The following GRIP1 variants were observed in gnomAD, a reference collection of about 807,000 sequenced individuals.
The protein encoded by GRIP1 is glutamate receptor interacting protein 1.
A neutral mutation model predicts 129.9 loss-of-function variants in GRIP1; 45 were observed. The observed-to-expected ratio is 0.35, with a 90% confidence interval of 0.27 to 0.44. The LOEUF is 0.44. Ranked by LOEUF, GRIP1 falls within the 20% of genes least tolerant of loss-of-function variation. GRIP1 has a pLI of 1.00. For missense variants in GRIP1, 1,196 were observed against 1,396.8 expected (o/e 0.86, Z 2.29); for synonymous variants, 530 against 520.8 (o/e 1.02, Z -0.24).
At chr12:66,750,288 A>C (rs574555468) in intron 1 of GRIP1, among the ~76,000 whole-genome samples, 2 of 152,302 alleles carry the variant, frequency 1.3e-5, no homozygotes, top group African/African-American at 4.8e-5. Context: ...TGATCCTTTC[A>C]TCATCCCACA....
chr12:66,384,756 A>G (rs2056277438), intron 19 of GRIP1, among the ~76,000 whole-genome samples: 1 of 152,222 alleles, frequency 6.6e-6, no homozygotes, highest in African/African-American at 2.4e-5. Context: ...AGAGATGCTA[A>G]GTGAGTAGAG....
chr12:66,627,612 C>T (rs2030239908), intron 1 of GRIP1, among the ~76,000 whole-genome samples: 1 of 152,148 alleles, frequency 6.6e-6, no homozygotes, highest in Non-Finnish European at 1.5e-5. Context: ...ATACGTCTTT[C>T]CCCAAGTCAG....
At chr12:67,038,487 A>C (rs2043131007) in intron 1 of GRIP1, among the ~76,000 whole-genome samples, 1 of 152,166 alleles carries the variant, frequency 6.6e-6, no homozygotes, top group South Asian at 2.1e-4. Context: ...CTTCCACAGG[A>C]GTTTTAAAAC....
At chr12:66,660,593 T>C (rs1033118952) in intron 1 of GRIP1, among the ~76,000 whole-genome samples, 6 of 152,166 alleles carry the variant, frequency 3.9e-5, no homozygotes, top group African/African-American at 1.4e-4. Context: ...ATAATAATTG[T>C]ACAAAATTTT....
chr12:66,874,221 G>A (rs927047551), intron 1 of GRIP1, among the ~76,000 whole-genome samples: 1 of 152,042 alleles, frequency 6.6e-6, no homozygotes, highest in African/African-American at 2.4e-5. Context: ...AATGGAATGT[G>A]TATTTGTTTT....
chr12:66,724,945 C>T (rs2036205262), intron 1 of GRIP1, among the ~76,000 whole-genome samples: 1 of 152,108 alleles, frequency 6.6e-6, no homozygotes, highest in Admixed American at 6.5e-5. Flanking sequence ...AATGAAAAGC[C>T]CATCCATTGA....
chr12:66,754,958 T>C (rs939137397), intron 1 of GRIP1, among the ~76,000 whole-genome samples: 1 of 152,146 alleles, frequency 6.6e-6, no homozygotes, highest in Non-Finnish European at 1.5e-5. Context: ...TATGCCACCC[T>C]TTAGGAAGAA....
intron 1 of GRIP1, among the ~76,000 whole-genome samples, chr12:66,632,326 G>C (rs2030889708): frequency 6.6e-6 from 1 of 152,200 alleles, no homozygotes; most frequent in African/African-American, 2.4e-5. Context: ...TTTATCTAAA[G>C]AGAAGGCAAA....
At chr12:66,391,009 CTCCTT>C (rs1333313124) in intron 19 of GRIP1, among the ~76,000 whole-genome samples, 1 of 152,204 alleles carries the variant, frequency 6.6e-6, no homozygotes, top group Non-Finnish European at 1.5e-5. Flanking sequence ...GAAATATCAT[CTCCTT>C]TCATTTTTTT....
chr12:66,397,618 T>C (rs2056845395), intron 16 of GRIP1, among the ~76,000 whole-genome samples: 1 of 152,170 alleles, frequency 6.6e-6, no homozygotes. Context: ...GAACATTGAG[T>C]GAATATTTTA....
At chr12:66,929,892 T>A (rs2041359819) in intron 1 of GRIP1, among the ~76,000 whole-genome samples, 1 of 152,214 alleles carries the variant, frequency 6.6e-6, no homozygotes, top group South Asian at 2.1e-4. Context: ...GACTATTTTA[T>A]GAGTATCCTA....
Position 66,824,806 on chromosome 12 carries a change from A to C in GRIP1, c.59-227879T>G, listed in dbSNP as rs530495566. Among the ~76,000 whole-genome samples, 4 of 152,292 alleles carry C rather than the reference A, an allele frequency of 2.6e-5. No individual in the cohort carries two copies. In the South Asian group the frequency reaches 6.2e-4, roughly 24 times the overall value. On this transcript the variant is annotated intron_variant, in intron 1 of 1. Coordinates refer to the GRIP1 transcript ENST00000643019. The stretch of plus-strand genomic sequence containing the variant: ...ATATTGACTTTTATCTTTTTTTAAG[A>C]GGGGGCATAATTTTTTTAAATTACT...
intron 1 of GRIP1, among the ~76,000 whole-genome samples, chr12:66,964,967 G>C (rs1363901478): frequency 6.6e-6 from 1 of 151,896 alleles, no homozygotes; most frequent in Non-Finnish European, 1.5e-5. Flanking sequence ...TTCTCATGAG[G>C]ATAACAGACC....
chr12:66,491,513 A>T (rs1227547187), intron 7 of GRIP1, among the ~76,000 whole-genome samples: 1 of 152,160 alleles, frequency 6.6e-6, no homozygotes, highest in Non-Finnish European at 1.5e-5. Context: ...TAGCTTATAG[A>T]TGCTGGGCTT....
intron 1 of GRIP1, among the ~76,000 whole-genome samples, chr12:66,775,185 A>C (rs1357255018): frequency 6.6e-6 from 1 of 152,222 alleles, no homozygotes; most frequent in East Asian, 1.9e-4. Context: ...TTTAAGGAGC[A>C]CAGAGAGGGA....
chr12:66,672,180 A>G (rs931984568), intron 1 of GRIP1, among the ~76,000 whole-genome samples: 3 of 152,178 alleles, frequency 2.0e-5, no homozygotes, highest in Admixed American at 6.6e-5. Flanking sequence ...ATCTTTAGTG[A>G]TATTTAGTTT....
At chr12:66,887,776 G>A (rs1466503678) in intron 1 of GRIP1, among the ~76,000 whole-genome samples, 2 of 152,070 alleles carry the variant, frequency 1.3e-5, no homozygotes, top group South Asian at 2.1e-4. Flanking sequence ...AAACAGAGAG[G>A]TGGATCCCAT....
intron 11 of GRIP1, among the ~76,000 whole-genome samples, chr12:66,451,791 G>C (rs1180330893): frequency 6.6e-6 from 1 of 152,150 alleles, no homozygotes; most frequent in Non-Finnish European, 1.5e-5. Flanking sequence ...TCTGGTTCAG[G>C]AACGCAGTAG....
chr12:66,502,992 C>T lies in GRIP1; in HGVS notation c.724+12627G>A, dbSNP rs183985954. ...AGGAGAGGGCTCTGCTCCCCACCTA[C>T]GAGGAATGTCAGGTGATTATCAGGT... On this transcript the variant is annotated intron_variant, in intron 7 of 24. Transcript: ENST00000359742. Among the ~76,000 whole-genome samples, 648 of 152,178 alleles carry T rather than the reference C, an allele frequency of 4.3e-3. 2 individuals are homozygous for T. Among genetic ancestry groups the T allele is most frequent in the Non-Finnish European group, 6.7e-3 (454 of 68,018 alleles).
Sources: allele counts gnomAD v4.1 joint callset (sites outside exome capture counted in the v4.1 genomes callset), GRCh38; gene constraint gnomAD v4.1.1; transcripts MANE v1.5; gene names NCBI Gene and HGNC (gene_info 2026-07-23, HGNC 2026-07-21).